The following CAMK2A variants were observed in gnomAD, a reference collection of about 807,000 sequenced individuals.
The protein encoded by CAMK2A is calcium/calmodulin dependent protein kinase II alpha.
Under a neutral mutation model 79.2 loss-of-function variants are expected in CAMK2A, and 7 were observed. That is an observed-to-expected ratio of 0.09 (90% confidence interval 0.05 to 0.17). The LOEUF is 0.17. Among genes scored for constraint, CAMK2A ranks in the 10% least tolerant of loss-of-function variants. The pLI is 1.00. For missense variants in CAMK2A, 214 were observed against 646.4 expected (o/e 0.33, Z 7.25); for synonymous variants, 242 against 251.7 (o/e 0.96, Z 0.36).
Position 150,222,661 on chromosome 5 carries a change from C to G in CAMK2A, c.*49G>C, listed in dbSNP as rs1580890869. The G allele has an allele frequency of 9.0e-6, 13 of 1,440,600 alleles. No homozygotes were observed. Among genetic ancestry groups the G allele is most frequent in the South Asian group, 1.4e-5 (1 of 69,320 alleles). The allele number at this position is 1,440,600 out of a possible 1,614,324, so 89.2% of individuals were successfully genotyped here. On this transcript the variant is annotated 3_prime_UTR_variant, in exon 19 of 19. Coordinates refer to ENST00000671881, the MANE Select transcript of CAMK2A (RefSeq NM_015981.4). ...AGAACCAGCAGCTCCACTCCACGGA[C>G]AGAGTGGATCTCTGCGGCACAGCAA... is the stretch of plus-strand genomic sequence containing the variant.
At chr5:150,250,038 G>C (rs1755762277) in intron 11 of CAMK2A, among the ~76,000 whole-genome samples, 188 bp downstream of exon 11, 1 of 152,186 alleles carries the variant, frequency 6.6e-6, no homozygotes, top group Non-Finnish European at 1.5e-5. Flanking sequence ...CTCTCCACTA[G>C]AGCAAGGGCT....
chr5:150,275,741 G>C (rs1674659534), intron 1 of CAMK2A, among the ~76,000 whole-genome samples: 1 of 152,230 alleles, frequency 6.6e-6, no homozygotes. Context: ...CACAGAGCAA[G>C]GTCTGGAAGG....
In CAMK2A at chr5:150,228,894, GGGA is replaced by G. The variant is rs369353911; in HGVS notation, c.1143-611_1143-609del. On this transcript the variant is annotated intron_variant, in intron 16 of 18. Coordinates refer to ENST00000671881, the MANE Select transcript of CAMK2A (RefSeq NM_015981.4). ...AATAGCATTAGATGAGGTAATATCT[GGGA>G]GGAGAAGCACAGGGCATGACGGAGG... Among the ~76,000 whole-genome samples, 121 of 152,310 alleles carry G rather than the reference GGGA, an allele frequency of 7.9e-4. 3 individuals are homozygous for G. The East Asian group carries it at 0.021, about 27-fold the overall frequency.
At chr5:150,261,183 C>A (rs1337013294) in intron 3 of CAMK2A, among the ~76,000 whole-genome samples, 1 of 152,200 alleles carries the variant, frequency 6.6e-6, no homozygotes, top group African/African-American at 2.4e-5. Context: ...AAGAGGCTAC[C>A]CCTCTGAGCA....
At chr5:150,280,528 C>A (rs777499589) in intron 1 of CAMK2A, among the ~76,000 whole-genome samples, 1 of 152,150 alleles carries the variant, frequency 6.6e-6, no homozygotes, top group African/African-American at 2.4e-5. Context: ...CGACATCCGC[C>A]GCCTCCTCTT....
Position 150,241,596 on chromosome 5 carries a change from TTCCTC to T in CAMK2A, c.985-1865_985-1861del, listed in dbSNP as rs572767127. On this transcript the variant is annotated intron_variant, in intron 13 of 18. Transcript: ENST00000671881. ...CCTTCCTCTCTTCCTTCTTGTCCTCTTCCTCTCCTCTCTTCTCCTGTCCTCTCCTC... is the reference window on the plus strand; with the variant it reads ...CCTTCCTCTCTTCCTTCTTGTCCTCTTCCTCTCTTCTCCTGTCCTCTCCTC... Among the ~76,000 whole-genome samples, 162 of 140,212 alleles carry T rather than the reference TTCCTC, an allele frequency of 1.2e-3. 1 individual carries two copies. Among genetic ancestry groups the T allele is most frequent in the African/African-American group, 4.2e-3 (154 of 37,086 alleles). 92.0% of individuals were successfully genotyped at this position (140,212 alleles called of 152,430 possible). A position where few individuals can be genotyped will look rare whatever the true frequency, so the allele number is the denominator to read the frequency against.
At chr5:150,290,059 T>A (rs1304817040), upstream of CAMK2A, 1 of 158,512 alleles carries the variant, frequency 6.3e-6, no homozygotes, top group Non-Finnish European at 1.4e-5. Context: ...CCACAAGTGA[T>A]CTTTTCTCTT....
At chr5:150,268,621 C>T (rs969067402) in intron 2 of CAMK2A, among the ~76,000 whole-genome samples, 1 of 152,216 alleles carries the variant, frequency 6.6e-6, no homozygotes, top group African/African-American at 2.4e-5. Context: ...GAGAGTAAGA[C>T]CTTTTCTGTT....
intron 1 of CAMK2A, 88 bp downstream of exon 1, chr5:150,289,476 C>T: frequency 9.8e-7 from 1 of 1,015,234 alleles, no homozygotes; most frequent in Non-Finnish European, 1.6e-6. Flanking sequence ...AGGAATGCTC[C>T]CCAAGCACTG....
At chr5:150,266,204 T>C (rs1406866713) in intron 2 of CAMK2A, among the ~76,000 whole-genome samples, 1 of 152,100 alleles carries the variant, frequency 6.6e-6, no homozygotes, top group Non-Finnish European at 1.5e-5. Flanking sequence ...AGAGGCCTTG[T>C]TCAGGATCTG....
At chr5:150,250,641 G>C in intron 10 of CAMK2A, 47 bp downstream of exon 10, 1 of 1,609,152 alleles carries the variant, frequency 6.2e-7, no homozygotes, top group Non-Finnish European at 8.5e-7. Flanking sequence ...CCTGGATCAT[G>C]AGGTCTGGAG....
chr5:150,278,566 A>C (rs1227134633), intron 1 of CAMK2A, among the ~76,000 whole-genome samples: 1 of 152,034 alleles, frequency 6.6e-6, no homozygotes. Context: ...CAACGAGGCC[A>C]AGTTGGGGAG....
At position 150,252,640 on chromosome 5, in the gene CAMK2A, C is replaced by T. The variant is rs367616705; in HGVS notation, c.515-575G>A. On this transcript the variant is annotated intron_variant, in intron 7 of 18. Coordinates refer to ENST00000671881, the MANE Select transcript of CAMK2A (RefSeq NM_015981.4). The stretch of plus-strand genomic sequence containing the variant: ...TAAGTGCCTCCCAGGGTTGTTGAGC[C>T]GGTCAGTTCAAATAATGGACACCTG... 3.4e-4 allele frequency among the ~76,000 whole-genome samples: 52 copies of T among 152,234 alleles called. 2 individuals are homozygous for T. The South Asian group carries it at 3.9e-3, about 12-fold the overall frequency.
rs1754261820 is a variant in CAMK2A, at chr5:150,220,616, C to G, written c.*2094G>C. On this transcript the variant is annotated 3_prime_UTR_variant, in exon 19 of 19. Coordinates refer to ENST00000671881, the MANE Select transcript of CAMK2A (RefSeq NM_015981.4). ...ACTGGGGATGGCTGTAGGGAACTGG[C>G]AGCTCAAAAGGGGACAGGTGGTTTT... is the stretch of plus-strand genomic sequence containing the variant. 1 of 152,352 alleles carries G rather than the reference C, an allele frequency of 6.6e-6. No homozygotes were observed. The highest frequency in any genetic ancestry group is 1.5e-5 in the Non-Finnish European group (1 of 68,060). 9.4% of individuals were successfully genotyped at this position (152,352 alleles called of 1,614,324 possible).
At chr5:150,271,580 CACA>C (rs1756751520) in intron 2 of CAMK2A, among the ~76,000 whole-genome samples, 1 of 152,234 alleles carries the variant, frequency 6.6e-6, no homozygotes, top group Admixed American at 6.5e-5. Flanking sequence ...CAGCCCCTCA[CACA>C]ACATCTCCCG....
intron 16 of CAMK2A, among the ~76,000 whole-genome samples, 178 bp downstream of exon 16, chr5:150,231,127 G>A (rs932950308): frequency 6.6e-6 from 1 of 152,172 alleles, no homozygotes; most frequent in Non-Finnish European, 1.5e-5. Flanking sequence ...GTCGCGAACA[G>A]AAAGCTCAAT....
chr5:150,223,209 G>A lies in CAMK2A; in HGVS notation c.1246C>T (p.Arg416Trp), dbSNP rs1362570011. ...HRFYFENLWS[R>W]NSKPVHTTIL... Reference sequence around the variant, plus strand: ...GTGGTGTGCACGGGCTTGCTGTTCCGGGACCACACTGGAGGAGGGGATGGG... The same window carrying A: ...GTGGTGTGCACGGGCTTGCTGTTCCAGGACCACACTGGAGGAGGGGATGGG... Residue 416 changes from arginine to tryptophan, a missense_variant, in exon 18 of 19, where the codon CGG becomes TGG. Coordinates refer to ENST00000671881, the MANE Select transcript of CAMK2A (RefSeq NM_015981.4). This position sits in a 1 kb window ranked among gnomAD's most constrained non-coding sequence, Gnocchi z 4.1. 1.9e-6 allele frequency: 3 copies of A among 1,613,286 alleles called. No homozygotes were observed. Among genetic ancestry groups the A allele is most frequent in the Non-Finnish European group, 1.7e-6 (2 of 1,179,930 alleles).
chr5:150,282,195 C>T (rs543611794), intron 1 of CAMK2A, among the ~76,000 whole-genome samples: 4 of 152,154 alleles, frequency 2.6e-5, no homozygotes, highest in Non-Finnish European at 4.4e-5. Flanking sequence ...GCAGTGTGCT[C>T]GAGCTGTCCC....
chr5:150,269,734 G>C (rs1158004175), intron 2 of CAMK2A, among the ~76,000 whole-genome samples: 1 of 152,164 alleles, frequency 6.6e-6, no homozygotes, highest in African/African-American at 2.4e-5. Flanking sequence ...AGAGAAAAGA[G>C]ACCTGAAGTC....
Sources: allele counts gnomAD v4.1 joint callset (sites outside exome capture counted in the v4.1 genomes callset), GRCh38; gene constraint gnomAD v4.1.1; non-coding constraint Gnocchi (gnomAD v3.1); transcripts MANE v1.5; gene names NCBI Gene and HGNC (gene_info 2026-07-23, HGNC 2026-07-21).